Variants in MYO18B observed in about 807,000 individuals in gnomAD.
MYO18B encodes unconventional myosin-XVIIIb.
A neutral mutation model predicts 273.0 loss-of-function variants in MYO18B; 204 were observed. That is an observed-to-expected ratio of 0.75 (90% CI 0.67 to 0.84). The LOEUF (loss-of-function observed/expected upper bound fraction) is 0.84, where lower values mean the gene tolerates loss of function less well. MYO18B is among the 40% of genes least tolerant of loss of function. The pLI is 0.00. For synonymous variants in MYO18B, 1,330 were observed against 1,305.7 expected, an observed-to-expected ratio of 1.02 and a Z score of -0.40; for missense variants, 3,212 against 3,287.6, an observed-to-expected ratio of 0.98 and a Z score of 0.56.
At chr22:26,043,074 C>G in the MYO18B span, among the ~76,000 whole-genome samples, 1 of 152,186 alleles carries the variant, frequency 6.6e-6, no homozygotes, top group African/African-American at 2.4e-5. Flanking sequence ...CCCTCCTCCC[C>G]CAAGCAACCA....
chr22:25,966,687 C>T (rs190732905), intron 39 of MYO18B, among the ~76,000 whole-genome samples: 57 of 152,274 alleles, frequency 3.7e-4, no homozygotes, highest in Admixed American at 2.0e-4. Flanking sequence ...CAGGGGAACC[C>T]GCGGGTATTT....
chr22:25,797,865 T>C, intron 11 of MYO18B, 88 bp from the exon 12 acceptor site: 1 of 1,592,048 alleles, frequency 6.3e-7, no homozygotes, highest in Non-Finnish European at 8.6e-7. Flanking sequence ...CCCGCATTCC[T>C]TCGAGACGGA....
chr22:25,769,858 T>C (rs1461852540), intron 4 of MYO18B, among the ~76,000 whole-genome samples: 1 of 147,712 alleles, frequency 6.8e-6, no homozygotes, highest in African/African-American at 2.6e-5. Context: ...ATTTATGTAG[T>C]ATTTTTTTTT....
chr22:25,859,073 A>T (rs756904870), intron 21 of MYO18B, among the ~76,000 whole-genome samples: 1 of 152,226 alleles, frequency 6.6e-6, no homozygotes, highest in Admixed American at 6.5e-5. Context: ...GGTGACTTTC[A>T]TATACACAGA....
intron 1 of MYO18B, among the ~76,000 whole-genome samples, chr22:25,760,437 C>T (rs1317308765): frequency 2.1e-5 from 2 of 96,066 alleles, no homozygotes; most frequent in Non-Finnish European, 4.1e-5. Flanking sequence ...AAAAAAAACA[C>T]AAAAACAAAT....
In MYO18B at chr22:25,911,048, C is replaced by A. The variant is rs1228976241; in HGVS notation, c.5362C>A (p.Gln1788Lys). ...AGGCTTGATCGGAACCCTCTGTGAC[C>A]AGGTAAGGGGGAGACATTGGCAGAC... is the stretch of plus-strand genomic sequence containing the variant. ...LEGLIGTLCDQIGHRDFDVEK... is the reference protein window; with the variant it reads ...LEGLIGTLCDKIGHRDFDVEK... The change falls in exon 33 of 44, where the codon CAG becomes AAG. Residue 1788 changes from glutamine (Q) to lysine (K), a missense_variant and splice_region_variant. Coordinates refer to ENST00000335473, the MANE Select transcript of MYO18B (RefSeq NM_032608.7). The A allele has an allele frequency of 6.3e-7, 1 of 1,598,532 alleles. No homozygotes were observed. The highest frequency in any genetic ancestry group is 8.5e-7 in the Non-Finnish European group (1 of 1,171,888).
At chr22:25,846,033 C>A in intron 18 of MYO18B, 67 bp from the exon 19 acceptor site, 1 of 1,376,978 alleles carries the variant, frequency 7.3e-7, no homozygotes, top group Non-Finnish European at 9.5e-7. Flanking sequence ...CCCTTTGCCA[C>A]CACCCAGGCC....
intron 17 of MYO18B, among the ~76,000 whole-genome samples, chr22:25,841,649 C>T (rs1269171840): frequency 6.6e-6 from 1 of 152,220 alleles, no homozygotes; most frequent in Non-Finnish European, 1.5e-5. Flanking sequence ...CTCATGCTAG[C>T]ATGTCCAGCA....
the MYO18B span, among the ~76,000 whole-genome samples, chr22:26,043,351 A>C: frequency 6.6e-6 from 1 of 152,144 alleles, no homozygotes; most frequent in Non-Finnish European, 1.5e-5. Context: ...TTATGAAGAA[A>C]GCTGCTGTGA....
chr22:25,799,327 G>A lies in MYO18B; in HGVS notation c.2521+1230G>A, dbSNP rs146546003. On this transcript the variant is annotated intron_variant, in intron 12 of 43. Transcript: ENST00000335473. ...CCTCCAAGTCAAATAAAATTCCTTG[G>A]CTTGGCATTCAAAGCTCCTCACCTC... 3.7e-3 allele frequency among the ~76,000 whole-genome samples: 562 copies of A among 152,108 alleles called. 2 individuals are homozygous for A. Among genetic ancestry groups the A allele is most frequent in the African/African-American group, 0.013 (547 of 41,462 alleles).
At chr22:26,048,943 T>A in the MYO18B span, among the ~76,000 whole-genome samples, 1 of 152,108 alleles carries the variant, frequency 6.6e-6, no homozygotes, top group Admixed American at 6.5e-5. Context: ...CTCCACAACC[T>A]CGCCAACACT....
At chr22:25,941,791 T>A (rs567002687) in intron 34 of MYO18B, among the ~76,000 whole-genome samples, 24 of 152,342 alleles carry the variant, frequency 1.6e-4, no homozygotes, top group Admixed American at 5.9e-4. Context: ...CAGATCCTCT[T>A]AAAATCTAGA....
chr22:25,874,174 A>G lies in MYO18B; in HGVS notation c.3952-112A>G, dbSNP rs965387069. ...ACCTCCCACTTAAAGGGCAACTGCC[A>G]ACAAATATTGCAGGTGGGTGCAAGA... On this transcript the variant is annotated intron_variant, in intron 22 of 43. Coordinates refer to ENST00000335473, the MANE Select transcript of MYO18B (RefSeq NM_032608.7). 7.1e-5 allele frequency: 96 copies of G among 1,350,796 alleles called. 1 individual carries two copies. The highest frequency in any genetic ancestry group is 2.3e-4 in the Middle Eastern group (1 of 4,278). The allele number at this position is 1,350,796 out of a possible 1,614,324, so 83.7% of individuals were successfully genotyped here.
intron 1 of MYO18B, among the ~76,000 whole-genome samples, chr22:25,755,777 A>G (rs577805259): frequency 6.6e-6 from 1 of 151,796 alleles, no homozygotes; most frequent in South Asian, 2.1e-4. Flanking sequence ...CTCTCTCATC[A>G]CGTGATGCCA....
intron 39 of MYO18B, 121 bp from the exon 40 acceptor site, chr22:25,992,242 C>G (rs1227057321): frequency 4.0e-6 from 5 of 1,243,868 alleles, no homozygotes; most frequent in Non-Finnish European, 5.6e-6. Context: ...GGAGAACTTA[C>G]CACTTCATAG....
At chr22:25,843,275 CG>C (rs1172285807) in intron 17 of MYO18B, among the ~76,000 whole-genome samples, 5 of 152,216 alleles carry the variant, frequency 3.3e-5, no homozygotes, top group African/African-American at 1.2e-4. Context: ...AATGATTTTA[CG>C]CGGCATAAAA....
intron 42 of MYO18B, among the ~76,000 whole-genome samples, chr22:26,014,512 C>T (rs1337908723): frequency 6.6e-6 from 1 of 152,140 alleles, no homozygotes; most frequent in Non-Finnish European, 1.5e-5. Flanking sequence ...CCTTTTGAGT[C>T]CTGGCTGCTT....
intron 12 of MYO18B, among the ~76,000 whole-genome samples, chr22:25,809,110 T>G (rs1286031097): frequency 6.6e-6 from 1 of 152,036 alleles, no homozygotes; most frequent in Non-Finnish European, 1.5e-5. Context: ...ACCCAGCTAA[T>G]TTTTGTATTT....
chr22:25,849,585 T>G (rs890122551), intron 20 of MYO18B, among the ~76,000 whole-genome samples: 2 of 152,186 alleles, frequency 1.3e-5, no homozygotes, highest in Non-Finnish European at 2.9e-5. Context: ...TGAGATCATT[T>G]TTGCTGTGCT....
Sources: gnomAD v4.1 joint callset for allele counts (sites outside exome capture counted in the v4.1 genomes callset) on GRCh38, gnomAD v4.1.1 for gene constraint, MANE v1.5 for transcripts, NCBI Gene and HGNC (gene_info 2026-07-23, HGNC 2026-07-21) for gene names.